SPATA31H1: variants seen among roughly 807,000 people sequenced by gnomAD.
SPATA31H1 encodes spermatogenesis-associated protein 31H1.
chr2:27,569,766 C>A, the SPATA31H1 span: 1 of 398,882 alleles, frequency 2.5e-6, no homozygotes, highest in Non-Finnish European at 4.4e-6. Context: ...GGAAGAGCTC[C>A]AACGTGTAAA....
At chr2:27,566,218 C>G in the SPATA31H1 span, 7 of 709,624 alleles carry the variant, frequency 9.9e-6, no homozygotes, top group Non-Finnish European at 1.8e-5. Flanking sequence ...TAAGTTAAAT[C>G]TCTCTTATTG....
chr2:27,581,650 G>C, the SPATA31H1 span: 1 of 1,613,100 alleles, frequency 6.2e-7, no homozygotes. Context: ...TCTGAGAGAA[G>C]ACATCGCAGT....
At chr2:27,571,431 T>C in the SPATA31H1 span, 1 of 398,492 alleles carries the variant, frequency 2.5e-6, no homozygotes, top group Non-Finnish European at 4.4e-6. Flanking sequence ...ATCTGTGGAA[T>C]TCACCCCTGA....
the SPATA31H1 span, chr2:27,572,406 C>T: frequency 1.0e-5 from 4 of 398,156 alleles, no homozygotes; most frequent in Non-Finnish European, 1.8e-5. Flanking sequence ...GTCACAATCT[C>T]GAAGTGTCAA....
At chr2:27,580,867 C>CG in the SPATA31H1 span, 1 of 1,614,146 alleles carries the variant, frequency 6.2e-7, no homozygotes, top group Non-Finnish European at 8.5e-7. Flanking sequence ...TGGGGAGGAA[C>CG]GGTCCAGTGC....
chr2:27,576,925 C>G, the SPATA31H1 span: 1 of 1,614,050 alleles, frequency 6.2e-7, no homozygotes, highest in East Asian at 2.2e-5. Flanking sequence ...ATCATGGAAT[C>G]CTCTGAACTA....
the SPATA31H1 span, chr2:27,577,231 T>C: frequency 3.7e-6 from 6 of 1,613,952 alleles, no homozygotes; most frequent in Non-Finnish European, 4.2e-6. This position sits in a 1 kb window ranked among gnomAD's most constrained non-coding sequence, Gnocchi z 4.5. Context: ...GGCTCAAAAT[T>C]CTTAGGATTA....
At chr2:27,555,121 C>T in the SPATA31H1 span, among the ~76,000 whole-genome samples, 1 of 151,820 alleles carries the variant, frequency 6.6e-6, no homozygotes, top group South Asian at 2.1e-4. Flanking sequence ...ATGTCAAATG[C>T]TTTTTTCTGC....
At chr2:27,545,389 T>G in the SPATA31H1 span, among the ~76,000 whole-genome samples, 1 of 151,990 alleles carries the variant, frequency 6.6e-6, no homozygotes. Context: ...GGATTTTAAT[T>G]ACACATAATG....
chr2:27,576,408 G>GT, the SPATA31H1 span: 1 of 592,480 alleles, frequency 1.7e-6, no homozygotes, highest in Non-Finnish European at 3.0e-6. Context: ...GAGATCTGTG[G>GT]TATTTGTACC....
At chr2:27,556,815 A>G in the SPATA31H1 span, among the ~76,000 whole-genome samples, 1 of 119,998 alleles carries the variant, frequency 8.3e-6, no homozygotes, top group Non-Finnish European at 1.7e-5. Context: ...AAACAAGTGA[A>G]CAAAGGTCTC....
At chr2:27,563,040 G>T in the SPATA31H1 span, among the ~76,000 whole-genome samples, 1 of 151,694 alleles carries the variant, frequency 6.6e-6, no homozygotes, top group Non-Finnish European at 1.5e-5. Context: ...TGTATTCTTG[G>T]TTTACTTAAT....
chr2:27,579,590 T>C, the SPATA31H1 span: 2,878 of 1,614,162 alleles, frequency 1.8e-3, 41 homozygotes, highest in African/African-American at 0.03. Context: ...CGTTCAATGG[T>C]ATATCCCAAG....
chr2:27,545,321 C>T, the SPATA31H1 span, among the ~76,000 whole-genome samples: 2 of 151,714 alleles, frequency 1.3e-5, no homozygotes, highest in African/African-American at 2.4e-5. Flanking sequence ...CCACACCTGG[C>T]CTGTTTATTT....
chr2:27,573,706 A>G, the SPATA31H1 span: 1 of 398,542 alleles, frequency 2.5e-6, no homozygotes, highest in South Asian at 1.3e-4. Flanking sequence ...CCACAGCTGC[A>G]CAAAGTGAAA....
chr2:27,582,013 GTCACAGTCTCTTGGAGAGGAGCCA>G, the SPATA31H1 span: 1 of 1,605,164 alleles, frequency 6.2e-7, no homozygotes, highest in South Asian at 1.1e-5. Flanking sequence ...GAGAGGAGCC[GTCACAGTCTCTTGGAGAGGAGCCA>G]TCGCAGTCCC....
At chr2:27,578,526 A>T in the SPATA31H1 span, 1 of 1,613,964 alleles carries the variant, frequency 6.2e-7, no homozygotes, top group Non-Finnish European at 8.5e-7. Context: ...ATTAACTCCA[A>T]GTCCATGTAC....
the SPATA31H1 span, among the ~76,000 whole-genome samples, chr2:27,560,569 T>G: frequency 6.6e-6 from 1 of 151,828 alleles, no homozygotes; most frequent in Non-Finnish European, 1.5e-5. Flanking sequence ...GCCATTCTCC[T>G]GCCTCAGCCT....
chr2:27,579,028 A>G, the SPATA31H1 span: 1 of 1,614,204 alleles, frequency 6.2e-7, no homozygotes, highest in South Asian at 1.1e-5. Flanking sequence ...CTAGGAGTGG[A>G]TGTAATATCT....
Sources: gnomAD v4.1 joint callset for allele counts (sites outside exome capture counted in the v4.1 genomes callset) on GRCh38, gnomAD v4.1.1 for gene constraint, Gnocchi (gnomAD v3.1) non-coding constraint, MANE v1.5 for transcripts, NCBI Gene and HGNC (gene_info 2026-07-23, HGNC 2026-07-21) for gene names.